CNTNAP2: variants seen among roughly 807,000 people sequenced by gnomAD.
CNTNAP2 encodes the protein contactin-associated protein-like 2.
A neutral mutation model predicts 155.2 loss-of-function variants in CNTNAP2; 98 were observed. That is an observed-to-expected ratio of 0.63 (90% confidence interval 0.54 to 0.75). The LOEUF (loss-of-function observed/expected upper bound fraction) is 0.75, where lower values mean the gene tolerates loss of function less well. Among genes scored for constraint, CNTNAP2 ranks in the 30% least tolerant of loss-of-function variants. The pLI, the probability that CNTNAP2 is intolerant of heterozygous loss-of-function variation, is 0.00. For synonymous variants in CNTNAP2, 651 were observed against 631.2 expected (o/e 1.03, Z -0.47); for missense variants, 1,727 against 1,688.1 (o/e 1.02, Z -0.40).
intron 1 of CNTNAP2, among the ~76,000 whole-genome samples, chr7:146,651,277 T>A (rs1799906674): frequency 6.6e-6 from 1 of 152,158 alleles, no homozygotes; most frequent in African/African-American, 2.4e-5. Flanking sequence ...CATAAACAAC[T>A]CTTTTGACTC....
At chr7:146,856,297 G>GATAGATAGATAGATAC (rs869052895) in intron 3 of CNTNAP2, among the ~76,000 whole-genome samples, 128 of 116,702 alleles carry the variant, frequency 1.1e-3, no homozygotes, top group Middle Eastern at 4.6e-3. Flanking sequence ...TAGATAGATA[G>GATAGATAGATAGATAC]ATACATACAT....
intron 13 of CNTNAP2, among the ~76,000 whole-genome samples, chr7:147,814,504 C>G (rs983910146): frequency 6.6e-6 from 1 of 152,182 alleles, no homozygotes; most frequent in Non-Finnish European, 1.5e-5. Flanking sequence ...TTCCTGATTA[C>G]TCTCTCTGTG....
intron 15 of CNTNAP2, among the ~76,000 whole-genome samples, chr7:148,000,644 C>A (rs748754341): frequency 6.6e-6 from 1 of 152,178 alleles, no homozygotes; most frequent in Non-Finnish European, 1.5e-5. Flanking sequence ...CTGCACCAGA[C>A]CCCAACAAAA....
intron 4 of CNTNAP2, among the ~76,000 whole-genome samples, chr7:147,084,948 T>C (rs948788624): frequency 1.4e-4 from 21 of 151,752 alleles, no homozygotes; most frequent in South Asian, 4.2e-4. Flanking sequence ...TTTACATTGA[T>C]GAAATATTTA....
intron 8 of CNTNAP2, among the ~76,000 whole-genome samples, chr7:147,171,349 G>C (rs1170063007): frequency 2.0e-5 from 3 of 152,100 alleles, no homozygotes; most frequent in African/African-American, 7.2e-5. Context: ...AGGTGGTAGC[G>C]GCCCTTCCTG....
intron 3 of CNTNAP2, among the ~76,000 whole-genome samples, chr7:147,003,606 C>G (rs578244841): frequency 6.6e-6 from 1 of 151,646 alleles, no homozygotes; most frequent in Non-Finnish European, 1.5e-5. Context: ...CAAATAGATA[C>G]GCATGCATAT....
At chr7:147,677,652 T>C (rs912444645) in intron 13 of CNTNAP2, among the ~76,000 whole-genome samples, 3 of 151,682 alleles carry the variant, frequency 2.0e-5, no homozygotes, top group Non-Finnish European at 3.0e-5. Context: ...CAGTTTGGGG[T>C]CTTATATTTC....
chr7:146,705,893 A>G (rs765567713), intron 1 of CNTNAP2, among the ~76,000 whole-genome samples: 6 of 152,134 alleles, frequency 3.9e-5, no homozygotes, highest in Non-Finnish European at 5.9e-5. Context: ...ATCATATGGT[A>G]TCCAACTCAT....
At chr7:146,791,742 G>T (rs548886393) in intron 2 of CNTNAP2, among the ~76,000 whole-genome samples, 1 of 152,326 alleles carries the variant, frequency 6.6e-6, no homozygotes, top group Non-Finnish European at 1.5e-5. Flanking sequence ...GATTCACTAA[G>T]GAGTGATAAA....
At chr7:147,663,030 G>A (rs957906791) in intron 13 of CNTNAP2, among the ~76,000 whole-genome samples, 15 of 152,032 alleles carry the variant, frequency 9.9e-5, no homozygotes, top group Middle Eastern at 3.2e-3. Flanking sequence ...ACCGAGTCTC[G>A]CTCTGTCGCC....
At chr7:146,403,409 A>G (rs1795742192) in intron 1 of CNTNAP2, among the ~76,000 whole-genome samples, 1 of 152,168 alleles carries the variant, frequency 6.6e-6, no homozygotes, top group African/African-American at 2.4e-5. Context: ...TAGAATTTGT[A>G]TAATATTAGG....
rs1368931636 is a variant in CNTNAP2 at position 148,419,829 on chromosome 7, T to C, written c.*4213T>C. The C allele has an allele frequency of 6.6e-6, 1 of 152,264 alleles. No individual in the cohort carries two copies. Among genetic ancestry groups the C allele is most frequent in the Non-Finnish European group, 1.5e-5 (1 of 68,096 alleles). The allele number at this position is 152,264 out of a possible 1,614,324, so 9.4% of individuals were successfully genotyped here. ...TCCCCTTTCTCTCTCCCTGCCTTGG[T>C]GGGACCCTCCCTGTGTGACCTTGGT... On this transcript the variant is annotated 3_prime_UTR_variant, in exon 24 of 24. Transcript: ENST00000361727.
At chr7:147,677,929 A>G (rs781077667) in intron 13 of CNTNAP2, among the ~76,000 whole-genome samples, 6 of 151,846 alleles carry the variant, frequency 4.0e-5, no homozygotes, top group Non-Finnish European at 7.4e-5. Context: ...GCTATGTAGT[A>G]TATTTTGAAA....
chr7:147,709,273 A>G (rs539889497), intron 13 of CNTNAP2, among the ~76,000 whole-genome samples: 2 of 152,248 alleles, frequency 1.3e-5, no homozygotes, highest in South Asian at 4.1e-4. Context: ...CTGGTAAAGA[A>G]TTTTAGATCT....
At chr7:146,749,154 A>T (rs1394207570) in intron 1 of CNTNAP2, among the ~76,000 whole-genome samples, 2 of 152,134 alleles carry the variant, frequency 1.3e-5, no homozygotes, top group Admixed American at 6.5e-5. Context: ...ATGTACATGG[A>T]TACATGTATG....
Position 147,021,957 on chromosome 7 carries a change from A to G in CNTNAP2, c.403-21950A>G, listed in dbSNP as rs148138600. Reference sequence around the variant, plus strand: ...TTATAAATATATTTTAGGTATGGCTATGCAACCCTATTTTCTCTTATTTTT... The same window carrying G: ...TTATAAATATATTTTAGGTATGGCTGTGCAACCCTATTTTCTCTTATTTTT... On this transcript the variant is annotated intron_variant, in intron 3 of 23. Coordinates refer to ENST00000361727, the MANE Select transcript of CNTNAP2 (RefSeq NM_014141.6). 2.3e-3 allele frequency among the ~76,000 whole-genome samples: 347 copies of G among 152,272 alleles called. 1 individual carries two copies. Among genetic ancestry groups the G allele is most frequent in the African/African-American group, 8.0e-3 (331 of 41,570 alleles).
chr7:146,415,646 C>G (rs1467672889), intron 1 of CNTNAP2, among the ~76,000 whole-genome samples: 1 of 152,036 alleles, frequency 6.6e-6, no homozygotes, highest in African/African-American at 2.4e-5. Context: ...AGACACTCCA[C>G]TTTTGAATCA....
chr7:146,294,108 TGATTA>T (rs1459671985), intron 1 of CNTNAP2, among the ~76,000 whole-genome samples: 1 of 152,224 alleles, frequency 6.6e-6, no homozygotes, highest in African/African-American at 2.4e-5. Context: ...TTCTGGCTAG[TGATTA>T]GAGCTGACAG....
intron 13 of CNTNAP2, among the ~76,000 whole-genome samples, chr7:147,756,089 T>C (rs1028455891): frequency 1.3e-5 from 2 of 152,226 alleles, no homozygotes; most frequent in African/African-American, 4.8e-5. Context: ...ATTAGCTTCA[T>C]AACAATGACA....
Sources: allele counts gnomAD v4.1 joint callset (sites outside exome capture counted in the v4.1 genomes callset), GRCh38; gene constraint gnomAD v4.1.1; transcripts MANE v1.5; gene names NCBI Gene and HGNC (gene_info 2026-07-23, HGNC 2026-07-21).